The following SPAG16 variants were observed in gnomAD, a reference collection of about 807,000 sequenced individuals.
SPAG16 encodes the protein sperm associated antigen 16, also known as sperm-associated antigen 16 protein.
A neutral mutation model predicts 80.4 loss-of-function variants in SPAG16; 86 were observed. That is an observed-to-expected ratio of 1.07 (90% confidence interval 0.90 to 1.28). The LOEUF (loss-of-function observed/expected upper bound fraction) is 1.28. Among genes scored for constraint, SPAG16 ranks in the 50% most tolerant of loss-of-function variants. The pLI is 0.00. For missense variants in SPAG16, 870 were observed against 765.3 expected (o/e 1.14, Z -1.61); for synonymous variants, 294 against 265.9 (o/e 1.11, Z -1.03).
chr2:214,017,736 T>A (rs554400868), intron 13 of SPAG16, among the ~76,000 whole-genome samples: 2 of 152,278 alleles, frequency 1.3e-5, no homozygotes, highest in East Asian at 1.9e-4. Flanking sequence ...CAATTGCATA[T>A]GCATTGAATG....
intron 9 of SPAG16, among the ~76,000 whole-genome samples, chr2:213,409,442 TA>T (rs1335095359): frequency 1.3e-5 from 2 of 152,212 alleles, no homozygotes; most frequent in African/African-American, 4.8e-5. Flanking sequence ...ACGTTAATTG[TA>T]AAGAAAATTG....
intron 10 of SPAG16, among the ~76,000 whole-genome samples, chr2:213,692,691 TC>T (rs1291339464): frequency 5.3e-5 from 8 of 151,560 alleles, no homozygotes; most frequent in Non-Finnish European, 1.0e-4. Context: ...GTGCCTGTAG[TC>T]CCAGCTATTT....
chr2:214,244,968 A>G (rs1689737051), intron 15 of SPAG16, among the ~76,000 whole-genome samples: 1 of 152,092 alleles, frequency 6.6e-6, no homozygotes. Context: ...ATGCTTTCTT[A>G]ACTACATTTC....
At chr2:213,535,831 G>C (rs2076226541) in intron 10 of SPAG16, among the ~76,000 whole-genome samples, 1 of 151,996 alleles carries the variant, frequency 6.6e-6, no homozygotes, top group Non-Finnish European at 1.5e-5. Flanking sequence ...CATGAGTCTT[G>C]ACAGTAATCT....
chr2:213,788,652 C>A (rs1340653752), intron 10 of SPAG16, among the ~76,000 whole-genome samples: 3 of 151,814 alleles, frequency 2.0e-5, no homozygotes, highest in African/African-American at 7.2e-5. Flanking sequence ...CACAGGAAGG[C>A]CTTAGAATAG....
At chr2:213,948,317 T>A (rs2079560969) in intron 12 of SPAG16, among the ~76,000 whole-genome samples, 1 of 152,126 alleles carries the variant, frequency 6.6e-6, no homozygotes, top group Admixed American at 6.6e-5. Context: ...CTGCATATAA[T>A]TCAAAATTTA....
intron 14 of SPAG16, among the ~76,000 whole-genome samples, chr2:214,135,043 T>C (rs2054973289): frequency 6.6e-6 from 1 of 152,236 alleles, no homozygotes; most frequent in African/African-American, 2.4e-5. Context: ...GAAAGCTGTA[T>C]TCACCTGATG....
At chr2:214,313,212 T>C (rs1302455247) in intron 15 of SPAG16, among the ~76,000 whole-genome samples, 1 of 152,114 alleles carries the variant, frequency 6.6e-6, no homozygotes, top group Non-Finnish European at 1.5e-5. Context: ...TTTAAGAAAA[T>C]GAAAATCACC....
At chr2:214,190,237 A>T (rs560173502) in intron 15 of SPAG16, among the ~76,000 whole-genome samples, 24 of 150,694 alleles carry the variant, frequency 1.6e-4, no homozygotes, top group East Asian at 1.4e-3. Context: ...TTGGAGTGAA[A>T]GGTAGTTGAC....
In SPAG16 at chr2:214,126,873, A is replaced by G. The variant is rs113921362; in HGVS notation, c.1593+18612A>G. On this transcript the variant is annotated intron_variant, in intron 14 of 15. Transcript: ENST00000331683. The stretch of plus-strand genomic sequence containing the variant: ...TATTTCTCTATGGTGTATAAAACAT[A>G]CATATATATTTTTAAAAGGATTATC... 3.4e-4 allele frequency among the ~76,000 whole-genome samples: 52 copies of G among 151,982 alleles called. 2 individuals are homozygous for G. The highest frequency in any genetic ancestry group is 1.1e-3 in the African/African-American group (44 of 41,564).
intron 15 of SPAG16, among the ~76,000 whole-genome samples, chr2:214,376,028 C>G (rs948615568): frequency 6.6e-6 from 1 of 151,588 alleles, no homozygotes. Context: ...CTGCAAAATA[C>G]TCAGTTTTTA....
chr2:214,404,081 T>G (rs546984055), intron 15 of SPAG16, among the ~76,000 whole-genome samples: 10 of 152,126 alleles, frequency 6.6e-5, no homozygotes, highest in African/African-American at 2.2e-4. Flanking sequence ...GGTAGGGAAG[T>G]GAAAAATACA....
intron 14 of SPAG16, among the ~76,000 whole-genome samples, chr2:214,125,168 GGA>G (rs1450646979): frequency 6.6e-6 from 1 of 151,370 alleles, no homozygotes; most frequent in East Asian, 1.9e-4. Flanking sequence ...CACCTGAGCT[GGA>G]GAAAGTTAGG....
At chr2:213,972,870 G>A (rs921395423) in intron 12 of SPAG16, among the ~76,000 whole-genome samples, 1 of 151,916 alleles carries the variant, frequency 6.6e-6, no homozygotes, top group East Asian at 1.9e-4. Context: ...CCACTCTGTG[G>A]GTTGTGTTTT....
intron 10 of SPAG16, among the ~76,000 whole-genome samples, chr2:213,605,692 T>C (rs2061234728): frequency 6.6e-6 from 1 of 152,054 alleles, no homozygotes; most frequent in South Asian, 2.1e-4. Flanking sequence ...GGTTTCACTG[T>C]GTTAGCCAGG....
chr2:213,764,806 ATAT>A (rs2068845862), intron 10 of SPAG16, among the ~76,000 whole-genome samples: 1 of 152,206 alleles, frequency 6.6e-6, no homozygotes, highest in African/African-American at 2.4e-5. Flanking sequence ...AATATATTCA[ATAT>A]TATAATTCAT....
chr2:213,770,502 A>AGG (rs1158438364), intron 10 of SPAG16, among the ~76,000 whole-genome samples: 1 of 152,174 alleles, frequency 6.6e-6, no homozygotes, highest in African/African-American at 2.4e-5. Flanking sequence ...CAGGACATGC[A>AGG]GGTTTGTTAC....
intron 15 of SPAG16, among the ~76,000 whole-genome samples, chr2:214,185,576 CATT>C (rs2057441437): frequency 6.6e-6 from 1 of 151,536 alleles, no homozygotes; most frequent in Admixed American, 6.6e-5. Flanking sequence ...TTTTTTTAAA[CATT>C]AAACAGTTAC....
intron 15 of SPAG16, among the ~76,000 whole-genome samples, chr2:214,248,337 G>A (rs958309067): frequency 5.0e-5 from 7 of 139,738 alleles, no homozygotes; most frequent in South Asian, 2.3e-4. Flanking sequence ...TATTATTATT[G>A]AGACAGAGTC....
Sources: allele counts gnomAD v4.1 joint callset (sites outside exome capture counted in the v4.1 genomes callset), GRCh38; gene constraint gnomAD v4.1.1; transcripts MANE v1.5; gene names NCBI Gene and HGNC (gene_info 2026-07-23, HGNC 2026-07-21).